The following MYPN variants were observed in gnomAD, a reference collection of about 807,000 sequenced individuals.
MYPN encodes myopalladin.
Under a neutral mutation model 129.4 loss-of-function variants are expected in MYPN, and 63 were observed. That is an observed-to-expected ratio of 0.49 (90% CI 0.40 to 0.60). The LOEUF (loss-of-function observed/expected upper bound fraction) is 0.60. Ranked by LOEUF, MYPN falls within the 20% of genes least tolerant of loss-of-function variation. The pLI is 0.00. For synonymous variants in MYPN, 629 were observed against 600.9 expected (o/e 1.05, Z -0.68); for missense variants, 1,596 against 1,635.4 (o/e 0.98, Z 0.42).
chr10:68,195,563 G>A (rs2043591334), intron 15 of MYPN, 31 bp downstream of exon 15: 13 of 1,581,332 alleles, frequency 8.2e-6, no homozygotes, highest in Non-Finnish European at 1.1e-5. Context: ...CCCTCTCTAG[G>A]CCCTTCCCAA....
intron 2 of MYPN, chr10:68,136,648 G>C: frequency 6.5e-7 from 1 of 1,534,488 alleles, no homozygotes; most frequent in Admixed American, 2.0e-5. Context: ...AAACACTTCT[G>C]ACAGAGAGTT....
intron 2 of MYPN, among the ~76,000 whole-genome samples, chr10:68,130,797 G>T (rs1401450819): frequency 1.3e-5 from 2 of 151,992 alleles, no homozygotes; most frequent in East Asian, 1.9e-4. Context: ...ACTTAAAGTT[G>T]ATTTTTGTGT....
At chr10:68,108,683 A>G (rs1209083872), upstream of MYPN, among the ~76,000 whole-genome samples, 3 of 152,146 alleles carry the variant, frequency 2.0e-5, no homozygotes, top group Non-Finnish European at 4.4e-5. Flanking sequence ...CTAAGCAATC[A>G]GGTTAACTTT....
Position 68,211,934 on chromosome 10 carries a change from A to G in MYPN, c.*1479A>G. On this transcript the variant is annotated 3_prime_UTR_variant, in exon 20 of 20. Coordinates refer to ENST00000358913, the MANE Select transcript of MYPN (RefSeq NM_032578.4). Reference sequence around the variant, plus strand: ...TGGCATTGTATTTGTGTGAACAGACAGTAACTGCTTAGAAAGGCTTGAAAC... The same window carrying G: ...TGGCATTGTATTTGTGTGAACAGACGGTAACTGCTTAGAAAGGCTTGAAAC... 2.5e-6 allele frequency: 1 copy of G among 394,616 alleles called. No homozygotes were observed. The highest frequency in any genetic ancestry group is 5.1e-6 in the Non-Finnish European group (1 of 197,992). 24.4% of individuals were successfully genotyped at this position (394,616 alleles called of 1,614,324 possible). A position where few individuals can be genotyped will look rare whatever the true frequency, so the allele number is the denominator to read the frequency against.
intron 5 of MYPN, 152 bp downstream of exon 5, chr10:68,148,619 G>T (rs973155186): frequency 8.1e-6 from 6 of 743,144 alleles, no homozygotes; most frequent in Non-Finnish European, 1.2e-5. Context: ...GAGAGCAGTG[G>T]TTCCTGTTGC....
intron 1 of MYPN, among the ~76,000 whole-genome samples, chr10:68,089,423 G>T (rs888582267): frequency 6.6e-6 from 1 of 152,030 alleles, no homozygotes; most frequent in African/African-American, 2.4e-5. Context: ...CTCACTGCAA[G>T]CTCCGTTTCC....
chr10:68,090,153 A>G (rs1176339982), intron 1 of MYPN, among the ~76,000 whole-genome samples: 2 of 152,024 alleles, frequency 1.3e-5, no homozygotes, highest in South Asian at 4.2e-4. Flanking sequence ...TGCTTTGAAC[A>G]TACTACTCAA....
chr10:68,179,017 T>A (rs1029217087), intron 12 of MYPN, among the ~76,000 whole-genome samples: 1 of 152,076 alleles, frequency 6.6e-6, no homozygotes, highest in Admixed American at 6.6e-5. Context: ...ATCTGCAGTT[T>A]CCAGATACTG....
chr10:68,113,597 T>G (rs111714420), intron 1 of MYPN, among the ~76,000 whole-genome samples: 1,658 of 151,342 alleles, frequency 0.011, 49 homozygotes, highest in African/African-American at 0.038. Context: ...CTTGGGAGGC[T>G]GAGGTGGGAG....
intron 1 of MYPN, among the ~76,000 whole-genome samples, chr10:68,097,088 A>C (rs2041960274): frequency 6.6e-6 from 1 of 152,224 alleles, no homozygotes; most frequent in African/African-American, 2.4e-5. Flanking sequence ...GCAGTAGGTG[A>C]GTAGAGAACA....
At chr10:68,093,088 G>T (rs922599931) in intron 1 of MYPN, among the ~76,000 whole-genome samples, 1 of 151,982 alleles carries the variant, frequency 6.6e-6, no homozygotes, top group Non-Finnish European at 1.5e-5. Flanking sequence ...TGCCCAGGCT[G>T]GTCTCCCATG....
At chr10:68,096,488 G>A (rs895938295) in intron 1 of MYPN, among the ~76,000 whole-genome samples, 8 of 152,204 alleles carry the variant, frequency 5.3e-5, no homozygotes, top group African/African-American at 1.9e-4. Flanking sequence ...CTTGAACCTG[G>A]GAGGCGGAGG....
chr10:68,098,971 C>T (rs554004640), intron 1 of MYPN, among the ~76,000 whole-genome samples: 6 of 152,218 alleles, frequency 3.9e-5, no homozygotes, highest in East Asian at 1.9e-4. Flanking sequence ...ACATATGTTT[C>T]GATGAACATA....
At chr10:68,198,080 A>G (rs1312581853) in intron 16 of MYPN, among the ~76,000 whole-genome samples, 2 of 152,350 alleles carry the variant, frequency 1.3e-5, no homozygotes, top group South Asian at 4.1e-4. Context: ...GGTAACTGAA[A>G]CTTTAGACAA....
intron 2 of MYPN, among the ~76,000 whole-genome samples, chr10:68,134,592 C>T (rs1455436145): frequency 2.0e-5 from 3 of 152,054 alleles, no homozygotes; most frequent in Non-Finnish European, 4.4e-5. Flanking sequence ...GTCAAGAGAT[C>T]AAGACCATCC....
Position 68,121,658 on chromosome 10 carries a change from G to C in MYPN, c.220G>C (p.Glu74Gln). The C allele has an allele frequency of 6.2e-7, 1 of 1,614,210 alleles. No homozygotes were observed. Among genetic ancestry groups the C allele is most frequent in the Non-Finnish European group, 8.5e-7 (1 of 1,180,030 alleles). Residue 74 changes from glutamate (E) to glutamine (Q), a missense_variant, in exon 2 of 20, where the codon GAA (glutamate) becomes CAA (glutamine). Glu to Gln is a conservative substitution (Grantham distance 29, BLOSUM62 2). Coordinates refer to ENST00000358913, the MANE Select transcript of MYPN (RefSeq NM_032578.4). The part of the protein sequence containing the change: ...SAFLSQEELD[E>Q]SVNLARLAIN... ...CTTTCTGAGCCAAGAAGAATTAGAC[G>C]AAAGTGTCAATTTGGCAAGACTGGC...
chr10:68,110,729 G>A (rs1354632997), intron 1 of MYPN, among the ~76,000 whole-genome samples: 3 of 152,090 alleles, frequency 2.0e-5, no homozygotes, highest in Non-Finnish European at 4.4e-5. Context: ...CTAGGAAATT[G>A]AGAATGTCTA....
chr10:68,169,181 TAAAAAAAAAA>T lies in MYPN; in HGVS notation c.1973+2533_1973+2542del, dbSNP rs59317396. Among the ~76,000 whole-genome samples, 502 of 91,066 alleles carry T rather than the reference TAAAAAAAAAA, an allele frequency of 5.5e-3. 10 individuals carry two copies. Among genetic ancestry groups the T allele is most frequent in the African/African-American group, 0.027 (406 of 14,920 alleles). The allele number at this position is 91,066 out of a possible 152,430, so 59.7% of individuals were successfully genotyped here. A position where few individuals can be genotyped will look rare whatever the true frequency, so the allele number is the denominator to read the frequency against. On this transcript the variant is annotated intron_variant, in intron 10 of 19. Transcript: ENST00000358913. ...TAACACGGTGAAACTCCGTCTCTAC[TAAAAAAAAAA>T]AAAAAAAAAAAAAAAAATTAGCCAG... is the stretch of plus-strand genomic sequence containing the variant.
At chr10:68,210,197 A>C (rs2043885544) in intron 19 of MYPN, 89 bp from the exon 20 acceptor site, 1 of 1,446,262 alleles carries the variant, frequency 6.9e-7, no homozygotes, top group East Asian at 2.3e-5. Flanking sequence ...GCTCAGGGAG[A>C]ATCGGGGTGA....
Sources: allele counts gnomAD v4.1 joint callset (sites outside exome capture counted in the v4.1 genomes callset), GRCh38; gene constraint gnomAD v4.1.1; transcripts MANE v1.5; gene names NCBI Gene and HGNC (gene_info 2026-07-23, HGNC 2026-07-21).